SP1: variants seen among roughly 807,000 people sequenced by gnomAD.
The protein encoded by SP1 is Sp1 transcription factor, also known as transcription factor Sp1.
Under a neutral mutation model 66.3 loss-of-function variants are expected in SP1, and 6 were observed. The ratio of observed to expected loss-of-function variants is 0.09; its 90% confidence interval spans 0.05 to 0.18. The LOEUF (loss-of-function observed/expected upper bound fraction) is 0.18, where lower values mean the gene tolerates loss of function less well. SP1 is among the 10% of genes least tolerant of loss of function. The probability of loss-of-function intolerance (pLI) is 1.00; values close to 1 mark genes in which losing one functional copy is unlikely to be tolerated. For synonymous variants in SP1, 417 were observed against 360.8 expected, an observed-to-expected ratio of 1.16 and a Z score of -1.77; for missense variants, 848 against 964.5, an observed-to-expected ratio of 0.88 and a Z score of 1.60.
intron 3 of SP1, among the ~76,000 whole-genome samples, chr12:53,399,699 C>T (rs1471973379): frequency 4.0e-5 from 6 of 150,834 alleles, no homozygotes; most frequent in South Asian, 2.1e-4. Flanking sequence ...TGCAGTGGCA[C>T]GATCTCCGGC....
At chr12:53,396,246 A>C (rs1203143762) in intron 3 of SP1, among the ~76,000 whole-genome samples, 2 of 146,132 alleles carry the variant, frequency 1.4e-5, no homozygotes, top group Admixed American at 1.4e-4. Context: ...GCGCCACTGC[A>C]CTCCAGCCTG....
intron 5 of SP1, among the ~76,000 whole-genome samples, chr12:53,410,487 G>GAA (rs1166524258): frequency 4.0e-5 from 6 of 151,718 alleles, no homozygotes; most frequent in African/African-American, 1.5e-4. Context: ...CCGCCAAAAG[G>GAA]AAAATATACT....
chr12:53,395,855 C>T (rs1164641487), intron 3 of SP1, among the ~76,000 whole-genome samples: 4 of 152,004 alleles, frequency 2.6e-5, no homozygotes, highest in Non-Finnish European at 5.9e-5. Context: ...GGCATGGTGG[C>T]TCACGCCTGT....
At chr12:53,390,816 C>T (rs1203764358) in intron 3 of SP1, among the ~76,000 whole-genome samples, 1 of 152,130 alleles carries the variant, frequency 6.6e-6, no homozygotes, top group Non-Finnish European at 1.5e-5. Context: ...TGTTAAATCA[C>T]GTTGCCTTGT....
intron 4 of SP1, 49 bp downstream of exon 4, chr12:53,406,802 A>C: frequency 2.7e-6 from 4 of 1,477,066 alleles, no homozygotes; most frequent in Non-Finnish European, 3.7e-6. Flanking sequence ...AAATTAATAG[A>C]TTTGGAGATA....
At chr12:53,408,611 A>T (rs915338361) in intron 4 of SP1, among the ~76,000 whole-genome samples, 4 of 150,772 alleles carry the variant, frequency 2.7e-5, no homozygotes, top group Non-Finnish European at 5.9e-5. Flanking sequence ...AAACCTTTTT[A>T]AAAAAGAAGG....
chr12:53,407,673 G>A (rs978261162), intron 4 of SP1, among the ~76,000 whole-genome samples: 6 of 151,082 alleles, frequency 4.0e-5, no homozygotes, highest in African/African-American at 1.2e-4. Context: ...GTCTTGCTCT[G>A]TTGCCCAGGC....
At chr12:53,388,441 A>T (rs547660496) in intron 3 of SP1, among the ~76,000 whole-genome samples, 1 of 152,260 alleles carries the variant, frequency 6.6e-6, no homozygotes, top group African/African-American at 2.4e-5. Context: ...GTGTTTCTGT[A>T]AGGTAAGAGG....
chr12:53,385,680 C>T (rs1020255562), intron 3 of SP1, among the ~76,000 whole-genome samples: 2 of 151,834 alleles, frequency 1.3e-5, no homozygotes, highest in Non-Finnish European at 2.9e-5. Flanking sequence ...TTTGGGAGGC[C>T]GAGGTGAACA....
chr12:53,397,894 A>G lies in SP1; in HGVS notation c.1676-8691A>G, dbSNP rs534292902. The stretch of plus-strand genomic sequence containing the variant: ...CTTGTATCCTAGTTCATGAAACACA[A>G]TGCATTACAAATACTAGTAAAGCCC... On this transcript the variant is annotated intron_variant, in intron 3 of 5. Coordinates refer to ENST00000327443, the MANE Select transcript of SP1 (RefSeq NM_138473.3). 3.3e-5 allele frequency among the ~76,000 whole-genome samples: 5 copies of G among 152,246 alleles called. No homozygotes were observed. In the East Asian group the frequency reaches 5.8e-4, roughly 18 times the overall value.
At chr12:53,404,373 A>C (rs1255456475) in intron 3 of SP1, among the ~76,000 whole-genome samples, 1 of 151,738 alleles carries the variant, frequency 6.6e-6, no homozygotes, top group Non-Finnish European at 1.5e-5. Context: ...CTACTAAAAA[A>C]ATACAACAAA....
chr12:53,383,774 TTAAG>T, intron 3 of SP1, 152 bp downstream of exon 3: 2 of 691,900 alleles, frequency 2.9e-6, no homozygotes, highest in East Asian at 2.7e-5. Context: ...GAGATTCTGT[TTAAG>T]TAATTTGGAA....
At chr12:53,402,275 G>A (rs1054403078) in intron 3 of SP1, among the ~76,000 whole-genome samples, 3 of 148,300 alleles carry the variant, frequency 2.0e-5, no homozygotes, top group Non-Finnish European at 4.4e-5. Flanking sequence ...CCAGGCTGGA[G>A]TGCAATGGCA....
intron 3 of SP1, among the ~76,000 whole-genome samples, chr12:53,394,197 A>G (rs1384973052): frequency 2.0e-5 from 3 of 150,716 alleles, no homozygotes; most frequent in South Asian, 4.2e-4. Flanking sequence ...CCTGGGCAAC[A>G]AGACCGAAAC....
intron 4 of SP1, among the ~76,000 whole-genome samples, chr12:53,407,904 G>A (rs1160731961): frequency 6.7e-6 from 1 of 149,096 alleles, no homozygotes; most frequent in Non-Finnish European, 1.5e-5. Flanking sequence ...CCAAAGTGCT[G>A]GGATTACAGG....
At chr12:53,385,642 C>T (rs953445312) in intron 3 of SP1, among the ~76,000 whole-genome samples, 6 of 149,336 alleles carry the variant, frequency 4.0e-5, no homozygotes, top group South Asian at 2.1e-4. Context: ...GGGCTGGGCG[C>T]GGTGGCTCAC....
chr12:53,404,127 C>T (rs958736656), intron 3 of SP1, among the ~76,000 whole-genome samples: 4 of 150,188 alleles, frequency 2.7e-5, no homozygotes, highest in African/African-American at 7.4e-5. Context: ...GCCGAGATCG[C>T]GCTACTGCAC....
intron 3 of SP1, among the ~76,000 whole-genome samples, chr12:53,392,820 TTTG>T (rs1264901978): frequency 7.0e-6 from 1 of 143,610 alleles, no homozygotes; most frequent in East Asian, 2.2e-4. Context: ...TTTTTTGTTT[TTTG>T]TTGTTGTTGC....
At chr12:53,403,972 C>A (rs1215988139) in intron 3 of SP1, among the ~76,000 whole-genome samples, 1 of 150,742 alleles carries the variant, frequency 6.6e-6, no homozygotes, top group Non-Finnish European at 1.5e-5. Context: ...GAGACCAAGA[C>A]CATCCTGGCT....
Sources: gnomAD v4.1 joint callset for allele counts (sites outside exome capture counted in the v4.1 genomes callset) on GRCh38, gnomAD v4.1.1 for gene constraint, MANE v1.5 for transcripts, NCBI Gene and HGNC (gene_info 2026-07-23, HGNC 2026-07-21) for gene names.